The following TRIM9 variants were observed in gnomAD, a reference collection of about 807,000 sequenced individuals.
TRIM9 encodes the protein E3 ubiquitin-protein ligase TRIM9.
TRIM9 carries 26 observed loss-of-function variants against 78.3 expected under a neutral mutation model. The observed-to-expected ratio is 0.33, with a 90% CI of 0.24 to 0.46. The LOEUF is 0.46. Ranked by LOEUF, TRIM9 falls within the 20% of genes least tolerant of loss-of-function variation. The probability of loss-of-function intolerance (pLI) is 1.00; values close to 1 mark genes in which losing one functional copy is unlikely to be tolerated. For missense variants in TRIM9, 787 were observed against 1,036.4 expected (o/e 0.76, Z 3.30); for synonymous variants, 398 against 416.5 (o/e 0.96, Z 0.54).
At chr14:50,979,890 G>A (rs1284284545) in intron 11 of TRIM9, among the ~76,000 whole-genome samples, 2 of 152,182 alleles carry the variant, frequency 1.3e-5, no homozygotes. Flanking sequence ...CTACCACTGA[G>A]TCACAGCAGT....
chr14:50,998,333 T>C (rs34153026), intron 6 of TRIM9, 145 bp from the exon 7 acceptor site: 279,871 of 729,504 alleles, frequency 0.38, 56,540 homozygotes, highest in South Asian at 0.55. Flanking sequence ...GGCCATTTAA[T>C]TTACCTTTTT....
At chr14:51,071,384 A>G (rs1195172107) in intron 1 of TRIM9, among the ~76,000 whole-genome samples, 2 of 125,554 alleles carry the variant, frequency 1.6e-5, no homozygotes, top group African/African-American at 6.5e-5. Flanking sequence ...CTAAAAAAAA[A>G]AAGAAAAAAA....
intron 1 of TRIM9, among the ~76,000 whole-genome samples, chr14:51,036,156 G>A (rs1419701971): frequency 6.6e-6 from 1 of 152,134 alleles, no homozygotes; most frequent in East Asian, 1.9e-4. Context: ...CCTCATTGCA[G>A]TGAAAACCTG....
intron 7 of TRIM9, among the ~76,000 whole-genome samples, chr14:50,988,696 G>A (rs185580966): frequency 6.6e-6 from 1 of 151,366 alleles, no homozygotes; most frequent in African/African-American, 2.4e-5. Flanking sequence ...ACCTTGCAAT[G>A]AGAACTTTTC....
At chr14:51,040,174 G>T (rs1370495787) in intron 1 of TRIM9, among the ~76,000 whole-genome samples, 1 of 152,050 alleles carries the variant, frequency 6.6e-6, no homozygotes, top group African/African-American at 2.4e-5. Flanking sequence ...ATATTTCCTC[G>T]GATGGTCTTA....
At chr14:50,996,479 G>A in intron 7 of TRIM9, 1 of 985,410 alleles carries the variant, frequency 1.0e-6, no homozygotes, top group Non-Finnish European at 1.2e-6. Context: ...TGATTCCCAT[G>A]ATGTATTATG....
chr14:51,094,197 A>T lies in TRIM9; in HGVS notation c.743T>A (p.Val248Glu). The T allele has an allele frequency of 6.2e-7, 1 of 1,614,198 alleles. No homozygotes were observed. The highest frequency in any genetic ancestry group is 8.5e-7 in the Non-Finnish European group (1 of 1,180,038). The change falls in exon 1 of 13, where the codon GTG becomes GAG. Residue 248 changes from valine (V) to glutamate (E), a missense_variant. Val to Glu is a moderately radical substitution (Grantham distance 121). This residue lies in a region of TRIM9 where 352 missense variants were observed against 472.3 expected (regional missense o/e 0.75). Coordinates refer to ENST00000684578, the MANE Select transcript of TRIM9 (RefSeq NM_001387360.1). ...GCCCTCCTCCAAGCACTGGTAGCAC[A>T]CGGGCATCTTGCATTGCACGCAGTA... is the stretch of plus-strand genomic sequence containing the variant. ...SMYCVQCKMP[V>E]CYQCLEEGKH...
At chr14:51,081,219 A>G (rs1045767721) in intron 1 of TRIM9, among the ~76,000 whole-genome samples, 1 of 152,266 alleles carries the variant, frequency 6.6e-6, no homozygotes, top group Admixed American at 6.5e-5. Flanking sequence ...TAAAAAATAC[A>G]TAAAATAGCC....
intron 1 of TRIM9, among the ~76,000 whole-genome samples, chr14:51,038,482 A>G (rs1034253033): frequency 2.0e-5 from 3 of 152,154 alleles, no homozygotes; most frequent in African/African-American, 7.2e-5. Context: ...GCTTCACCTG[A>G]TATTTTGTAA....
chr14:50,978,110 T>C (rs2051302210), intron 12 of TRIM9, among the ~76,000 whole-genome samples: 1 of 152,154 alleles, frequency 6.6e-6, no homozygotes, highest in African/African-American at 2.4e-5. Context: ...CTCTGAAAGA[T>C]TAGATTCCAG....
intron 7 of TRIM9, among the ~76,000 whole-genome samples, chr14:50,990,638 G>A (rs1270001351): frequency 6.6e-6 from 1 of 152,164 alleles, no homozygotes; most frequent in Non-Finnish European, 1.5e-5. Flanking sequence ...GCTTATGATA[G>A]TGTATACTAA....
chr14:51,035,985 C>T (rs1433712501), intron 1 of TRIM9, among the ~76,000 whole-genome samples: 7 of 152,228 alleles, frequency 4.6e-5, no homozygotes, highest in South Asian at 2.1e-4. Flanking sequence ...ATTAGTTTCA[C>T]GCCTTCAATC....
In TRIM9 at chr14:51,094,244, G is replaced by A; in HGVS notation, c.696C>T (p.His232=). 6.2e-7 allele frequency: 1 copy of A among 1,614,226 alleles called. No individual in the cohort carries two copies. The highest frequency in any genetic ancestry group is 1.1e-5 in the South Asian group (1 of 91,090). The change falls in exon 1 of 13, where the codon CAC becomes CAT. Residue 232 remains histidine (H), a synonymous_variant. Transcript: ENST00000684578. ...SPRKVSTCTD[H]ELENHSMYCV... ...AGTACATGCTGTGGTTCTCCAGCTC[G>A]TGGTCTGTGCAGGTGGAGACCTTGC...
chr14:51,059,811 C>CAA (rs1394229642), intron 1 of TRIM9, among the ~76,000 whole-genome samples: 7 of 134,948 alleles, frequency 5.2e-5, no homozygotes, highest in African/African-American at 1.6e-4. Context: ...AAAAAAAAAA[C>CAA]AAAAAAAACA....
At chr14:51,042,848 T>C (rs765238374) in intron 1 of TRIM9, among the ~76,000 whole-genome samples, 1 of 152,184 alleles carries the variant, frequency 6.6e-6, no homozygotes, top group African/African-American at 2.4e-5. Flanking sequence ...TCCAGATCCA[T>C]TCTCAACCTT....
intron 1 of TRIM9, among the ~76,000 whole-genome samples, chr14:51,037,316 G>C (rs1381014106): frequency 6.6e-6 from 1 of 152,158 alleles, no homozygotes; most frequent in Non-Finnish European, 1.5e-5. Flanking sequence ...GGAAACCCAA[G>C]TGCAACATGG....
intron 8 of TRIM9, 42 bp downstream of exon 8, chr14:50,985,914 G>A: frequency 5.0e-6 from 7 of 1,401,176 alleles, no homozygotes; most frequent in Non-Finnish European, 6.5e-6. Context: ...ATGCCTTCAA[G>A]GCACAGAGAT....
chr14:51,060,365 A>C (rs2061243936), intron 1 of TRIM9, among the ~76,000 whole-genome samples: 1 of 151,956 alleles, frequency 6.6e-6, no homozygotes, highest in African/African-American at 2.4e-5. Flanking sequence ...GTATGTCATA[A>C]TTTTCTTATA....
intron 1 of TRIM9, among the ~76,000 whole-genome samples, chr14:51,060,484 T>G (rs1038157916): frequency 3.3e-5 from 5 of 152,148 alleles, no homozygotes; most frequent in African/African-American, 1.2e-4. Context: ...TTTTTTTTTC[T>G]GAGACAGAAT....
Sources: allele counts gnomAD v4.1 joint callset (sites outside exome capture counted in the v4.1 genomes callset), GRCh38; gene constraint gnomAD v4.1.1; regional missense constraint gnomAD v4.1.1; transcripts MANE v1.5; gene names NCBI Gene and HGNC (gene_info 2026-07-23, HGNC 2026-07-21).